LIG3: variants seen among roughly 807,000 people sequenced by gnomAD.
LIG3 encodes ligase II, DNA, ATP-dependent.
Under a neutral mutation model 110.9 loss-of-function variants are expected in LIG3, and 58 were observed. That is an observed-to-expected ratio of 0.52 (90% CI 0.42 to 0.65). The LOEUF (loss-of-function observed/expected upper bound fraction) is 0.65, where lower values mean the gene tolerates loss of function less well. LIG3 is among the 30% of genes least tolerant of loss of function. The probability of loss-of-function intolerance (pLI) is 0.00; values close to 1 mark genes in which losing one functional copy is unlikely to be tolerated. For missense variants in LIG3, 1,094 were observed against 1,273.8 expected (o/e 0.86, Z 2.15); for synonymous variants, 422 against 472.8 (o/e 0.89, Z 1.39).
Position 35,005,583 on chromosome 17 carries a change from T to C in LIG3, c.*1077T>C, listed in dbSNP as rs929704186. Reference sequence around the variant, plus strand: ...CCAGCTTCCTGTTTACAATGGGAGGTTTAGGTTTCATAATGCTGGACCAGT... The same window carrying C: ...CCAGCTTCCTGTTTACAATGGGAGGCTTAGGTTTCATAATGCTGGACCAGT... On this transcript the variant is annotated 3_prime_UTR_variant, in exon 20 of 20. Coordinates refer to ENST00000378526, the MANE Select transcript of LIG3 (RefSeq NM_013975.4). 1 of 578,792 alleles carries C rather than the reference T, an allele frequency of 1.7e-6. No individual in the cohort carries two copies. The allele number at this position is 578,792 out of a possible 1,614,324, so 35.9% of individuals were successfully genotyped here.
chr17:35,001,236 C>T (rs745675766), intron 16 of LIG3, 21 bp from the exon 17 acceptor site: 1 of 1,611,528 alleles, frequency 6.2e-7, no homozygotes, highest in African/African-American at 1.3e-5. Flanking sequence ...CAGTGATGAC[C>T]TGCTGGCTTA....
chr17:34,999,644 C>A, intron 15 of LIG3, 138 bp from the exon 16 acceptor site: 1 of 1,056,632 alleles, frequency 9.5e-7, no homozygotes, highest in Non-Finnish European at 1.4e-6. Flanking sequence ...CTAGGTCATA[C>A]CCACTCTGGG....
chr17:34,992,162 G>C (rs368256660), intron 7 of LIG3, 127 bp downstream of exon 7: 1 of 807,722 alleles, frequency 1.2e-6, no homozygotes, highest in Non-Finnish European at 2.1e-6. Context: ...CTTTCTGTGA[G>C]ACCCTGATCT....
At chr17:34,999,715 C>A in intron 15 of LIG3, 67 bp from the exon 16 acceptor site, 4 of 1,385,442 alleles carry the variant, frequency 2.9e-6, no homozygotes, top group South Asian at 2.3e-5. Context: ...ATCTCATTAC[C>A]AAGAGAAGGG....
chr17:34,992,467 C>A lies in LIG3; in HGVS notation c.1287-57C>A, dbSNP rs147956188. The A allele has an allele frequency of 2.1e-3, 3,194 of 1,503,778 alleles. 1 individual carries two copies. Among genetic ancestry groups the A allele is most frequent in the Non-Finnish European group, 2.6e-3 (2,878 of 1,118,136 alleles). The allele number at this position is 1,503,778 out of a possible 1,614,324, so 93.2% of individuals were successfully genotyped here. A position where few individuals can be genotyped will look rare whatever the true frequency, so the allele number is the denominator to read the frequency against. On this transcript the variant is annotated intron_variant, in intron 7 of 19. Transcript: ENST00000378526. ...TGTGAGGACAGATTGCTGTCCAAAG[C>A]CATGGAGTCAAACAAAGGCAGTGGT... is the stretch of plus-strand genomic sequence containing the variant.
At chr17:35,002,574 C>G (rs1029141418) in intron 18 of LIG3, 94 bp from the exon 19 acceptor site, 1 of 1,399,772 alleles carries the variant, frequency 7.1e-7, no homozygotes, top group South Asian at 1.3e-5. Context: ...CCATAGCTCA[C>G]TGCAGCCTCG....
At chr17:34,982,635 G>A (rs1402035459) in intron 1 of LIG3, among the ~76,000 whole-genome samples, 2 of 146,026 alleles carry the variant, frequency 1.4e-5, no homozygotes, top group Non-Finnish European at 3.0e-5. Flanking sequence ...CAATTAAAGT[G>A]AAACTCCGCC....
In LIG3 at chr17:35,004,109, G is replaced by A. The variant is rs943189355; in HGVS notation, c.2797-164G>A. On this transcript the variant is annotated intron_variant, in intron 19 of 19. Transcript: ENST00000378526. Reference sequence around the variant, plus strand: ...GGGGCGTGTCAGTCCTGTATAATTTGGAGTGACTGGAGGGGTGGGGGTATT... The same window carrying A: ...GGGGCGTGTCAGTCCTGTATAATTTAGAGTGACTGGAGGGGTGGGGGTATT... 6 of 610,942 alleles carry A rather than the reference G, an allele frequency of 9.8e-6. No individual in the cohort carries two copies. In the African/African-American group the frequency reaches 1.1e-4, roughly 11 times the overall value. 37.8% of individuals were successfully genotyped at this position (610,942 alleles called of 1,614,324 possible).
At chr17:34,992,117 C>CTGA in intron 7 of LIG3, 82 bp downstream of exon 7, 1 of 1,240,340 alleles carries the variant, frequency 8.1e-7, no homozygotes, top group Non-Finnish European at 1.2e-6. Context: ...CTTTTGAGTC[C>CTGA]CAGTCAGGAT....
intron 8 of LIG3, 76 bp downstream of exon 8, chr17:34,992,768 A>G (rs963736722): frequency 1.4e-6 from 2 of 1,394,000 alleles, no homozygotes; most frequent in Non-Finnish European, 9.5e-7. Flanking sequence ...CAGATAGGGT[A>G]TGAGTGTTGA....
chr17:34,991,563 A>G (rs2090720859), intron 5 of LIG3, 108 bp from the exon 6 acceptor site: 1 of 1,076,398 alleles, frequency 9.3e-7, no homozygotes, highest in Admixed American at 2.0e-5. Flanking sequence ...TTGAGTTGGG[A>G]TAGGAGCTAT....
Position 35,005,296 on chromosome 17 carries a change from C to T in LIG3, c.*790C>T, listed in dbSNP as rs754977456. ...GGCCAAGAACAGCCCTTGTTGCCAC[C>T]AACATGGAGACTTTGTACCATATCC... On this transcript the variant is annotated 3_prime_UTR_variant, in exon 20 of 20. Transcript: ENST00000378526. The T allele has an allele frequency of 9.3e-6, 5 of 539,842 alleles. No homozygotes were observed. The highest frequency in any genetic ancestry group is 5.6e-5 in the South Asian group (4 of 72,044). The allele number at this position is 539,842 out of a possible 1,614,324, so 33.4% of individuals were successfully genotyped here. A position where few individuals can be genotyped will look rare whatever the true frequency, so the allele number is the denominator to read the frequency against.
At chr17:34,992,829 A>C (rs1225401406) in intron 8 of LIG3, 137 bp downstream of exon 8, 2 of 851,446 alleles carry the variant, frequency 2.3e-6, no homozygotes, top group Non-Finnish European at 3.3e-6. Context: ...AGGGAGGTGC[A>C]AGGGGGTATT....
rs1383379296 is a variant in LIG3 at position 34,998,250 on chromosome 17, G to A, written c.1943G>A (p.Arg648Gln). 2.4e-5 allele frequency: 38 copies of A among 1,613,478 alleles called. No homozygotes were observed. The highest frequency in any genetic ancestry group is 6.7e-5 in the Admixed American group (4 of 59,888). ...KALDLADMIT[R>Q]VIQEGLEGLV... ...TTGGACTTGGCTGACATGATAACCC[G>A]GGTGATCCAGGAGGGATTGGAGGGG... Residue 648 changes from arginine (R) to glutamine (Q), a missense_variant, in exon 13 of 20, where the codon CGG becomes CAG. Coordinates refer to ENST00000378526, the MANE Select transcript of LIG3 (RefSeq NM_013975.4).
intron 19 of LIG3, chr17:35,003,831 T>G (rs1410326282): frequency 6.0e-6 from 1 of 166,304 alleles, no homozygotes; most frequent in Non-Finnish European, 1.3e-5. Context: ...ACCTTTCCCC[T>G]CTCTCTTCCC....
chr17:35,003,021 A>AGCCAG, intron 19 of LIG3: 1 of 1,614,178 alleles, frequency 6.2e-7, no homozygotes, highest in Non-Finnish European at 8.5e-7. Context: ...AGCAGAGAGG[A>AGCCAG]AGAACTGTGC....
Position 34,992,589 on chromosome 17 carries a change from T to G in LIG3, c.1352T>G (p.Val451Gly). ...GCCTCGCGCAACCTGCAGGATGTGG[T>G]GGAGCGGGTCCTTCACAACGCGCAG... The part of the protein sequence containing the change: ...FKASRNLQDV[V>G]ERVLHNAQEV... The change falls in exon 8 of 20, where the codon GTG becomes GGG. Residue 451 changes from valine to glycine, a missense_variant. Coordinates refer to ENST00000378526, the MANE Select transcript of LIG3 (RefSeq NM_013975.4). 6.2e-7 allele frequency: 1 copy of G among 1,613,820 alleles called. No homozygotes were observed. Among genetic ancestry groups the G allele is most frequent in the Non-Finnish European group, 8.5e-7 (1 of 1,179,878 alleles).
intron 1 of LIG3, 129 bp downstream of exon 1, chr17:34,980,751 C>G (rs547970017): frequency 5.4e-5 from 20 of 371,656 alleles, no homozygotes; most frequent in African/African-American, 4.4e-4. Context: ...CCTGCGGAGC[C>G]CCGGGGCACA....
At chr17:34,982,890 G>T in intron 1 of LIG3, 112 bp from the exon 2 acceptor site, 1 of 752,866 alleles carries the variant, frequency 1.3e-6, no homozygotes. Flanking sequence ...TTTGGAAAGT[G>T]TTTGATTAGT....
Sources: gnomAD v4.1 joint callset for allele counts (sites outside exome capture counted in the v4.1 genomes callset) on GRCh38, gnomAD v4.1.1 for gene constraint, MANE v1.5 for transcripts, NCBI Gene and HGNC (gene_info 2026-07-23, HGNC 2026-07-21) for gene names.